The following RB1 variants were observed in gnomAD, a reference collection of about 807,000 sequenced individuals.
RB1 encodes the protein retinoblastoma-associated protein.
RB1 carries 18 observed loss-of-function variants against 135.4 expected under a neutral mutation model. The ratio of observed to expected loss-of-function variants is 0.13; its 90% confidence interval spans 0.09 to 0.20. The LOEUF (loss-of-function observed/expected upper bound fraction) is 0.20. Among genes scored for constraint, RB1 ranks in the 10% least tolerant of loss-of-function variants. RB1 has a pLI of 1.00. For missense variants in RB1, 868 were observed against 1,110.0 expected, an observed-to-expected ratio of 0.78 and a Z score of 3.10; for synonymous variants, 365 against 373.2, an observed-to-expected ratio of 0.98 and a Z score of 0.25.
At chr13:48,399,966 T>C (rs889332849) in intron 17 of RB1, among the ~76,000 whole-genome samples, 1 of 152,058 alleles carries the variant, frequency 6.6e-6, no homozygotes, top group Non-Finnish European at 1.5e-5. Flanking sequence ...ATCCATATTA[T>C]ACACATTACC....
At position 48,418,918 on chromosome 13, in the gene RB1, G is replaced by A. The variant is rs374741034; in HGVS notation, c.1696-34075G>A. ...CCTTGGAGACCTACAAAGAGACTTA[G>A]ACTCCCACACAATAATAGTGGGAGA... On this transcript the variant is annotated intron_variant, in intron 17 of 26. Coordinates refer to ENST00000267163, the MANE Select transcript of RB1 (RefSeq NM_000321.3). Among the ~76,000 whole-genome samples, 3 of 152,246 alleles carry A rather than the reference G, an allele frequency of 2.0e-5. No homozygotes were observed. The East Asian group carries it at 5.8e-4, about 29-fold the overall frequency.
At position 48,356,536 on chromosome 13, in the gene RB1, A is replaced by G. The variant is rs190212197; in HGVS notation, c.608-3481A>G. 9.1e-3 allele frequency among the ~76,000 whole-genome samples: 1,387 copies of G among 152,092 alleles called. 7 individuals are homozygous for G. Among genetic ancestry groups the G allele is most frequent in the Non-Finnish European group, 0.014 (948 of 67,922 alleles). ...GTTTTTATTTAAAGCAATATACTTT[A>G]ATCTGGTTTGAAGAAGGTTACTATC... On this transcript the variant is annotated intron_variant, in intron 6 of 26. Transcript: ENST00000267163.
chr13:48,473,431 T>A (rs757143210), intron 24 of RB1, 41 bp downstream of exon 24: 3 of 1,483,294 alleles, frequency 2.0e-6, no homozygotes. Flanking sequence ...GTATGCATTG[T>A]AAGTATAAAA....
intron 17 of RB1, among the ~76,000 whole-genome samples, chr13:48,452,761 T>C (rs1424623363): frequency 6.6e-6 from 1 of 152,148 alleles, no homozygotes; most frequent in Non-Finnish European, 1.5e-5. Flanking sequence ...TATTTTCTAA[T>C]ATAAGCGTTG....
In RB1 at chr13:48,339,240, C is replaced by T. The variant is rs146038562; in HGVS notation, c.265-3359C>T. ...TTTAAGTCTGCAGAGGTTTCTGCTG[C>T]CTTTTGTTCGGCTATGCCCTGCCCC... On this transcript the variant is annotated intron_variant, in intron 2 of 26. Coordinates refer to ENST00000267163, the MANE Select transcript of RB1 (RefSeq NM_000321.3). Among the ~76,000 whole-genome samples, 1,518 of 152,318 alleles carry T rather than the reference C, an allele frequency of 1.0e-2. 35 individuals are homozygous for T. Among genetic ancestry groups the T allele is most frequent in the African/African-American group, 0.035 (1,440 of 41,578 alleles).
At chr13:48,317,216 C>T in intron 2 of RB1, 1 of 441,826 alleles carries the variant, frequency 2.3e-6, no homozygotes, top group Non-Finnish European at 3.8e-6. Context: ...GGCCTGCCTG[C>T]CCCCCTGGGA....
intron 17 of RB1, among the ~76,000 whole-genome samples, chr13:48,386,281 G>A (rs1360695549): frequency 6.6e-6 from 1 of 152,096 alleles, no homozygotes; most frequent in African/African-American, 2.4e-5. Context: ...CATAGAGTGT[G>A]CTTACACAAA....
chr13:48,411,400 A>G (rs1948797156), intron 17 of RB1: 7 of 1,610,948 alleles, frequency 4.3e-6, no homozygotes, highest in Admixed American at 3.3e-5. Context: ...CAGGCAGCAG[A>G]TTCATTGTCA....
At chr13:48,439,026 C>A (rs1032129109) in intron 17 of RB1, among the ~76,000 whole-genome samples, 2 of 152,018 alleles carry the variant, frequency 1.3e-5, no homozygotes, top group Non-Finnish European at 2.9e-5. Context: ...AAACAGCAAC[C>A]TAGAAACATG....
chr13:48,368,443 A>G, intron 10 of RB1, 84 bp from the exon 11 acceptor site: 1 of 1,556,610 alleles, frequency 6.4e-7, no homozygotes, highest in Non-Finnish European at 8.8e-7. Context: ...ATGAGACAAC[A>G]GAAGCATTAT....
intron 2 of RB1, among the ~76,000 whole-genome samples, chr13:48,326,811 A>AT (rs913504663): frequency 1.1e-4 from 17 of 150,958 alleles, no homozygotes; most frequent in Non-Finnish European, 2.2e-4. Context: ...TTTATACTGT[A>AT]TTTTTTTTTG....
chr13:48,456,134 T>C (rs1949358204), intron 18 of RB1, 70 bp from the exon 19 acceptor site: 6 of 1,600,648 alleles, frequency 3.7e-6, no homozygotes, highest in Non-Finnish European at 8.5e-7. Context: ...GTGTACAACC[T>C]TGAAGTGTAT....
chr13:48,480,231 C>T lies in RB1; in HGVS notation c.*160C>T, dbSNP rs1949530167. 6.2e-6 allele frequency: 4 copies of T among 650,010 alleles called. No individual in the cohort carries two copies. The highest frequency in any genetic ancestry group is 5.3e-5 in the South Asian group (3 of 56,266). 40.3% of individuals were successfully genotyped at this position (650,010 alleles called of 1,614,324 possible). ...TGCAGATGCAATTGTTTGGGTGATT[C>T]CTAAGCCACTTGAAATGTTAGTCAT... On this transcript the variant is annotated 3_prime_UTR_variant, in exon 27 of 27. Coordinates refer to ENST00000267163, the MANE Select transcript of RB1 (RefSeq NM_000321.3).
At chr13:48,365,186 A>C (rs1056818564) in intron 9 of RB1, among the ~76,000 whole-genome samples, 1 of 152,180 alleles carries the variant, frequency 6.6e-6, no homozygotes, top group African/African-American at 2.4e-5. Context: ...TTTGTGATTT[A>C]TACTAGAAAT....
intron 2 of RB1, among the ~76,000 whole-genome samples, chr13:48,340,274 AT>A (rs1165216207): frequency 1.3e-5 from 2 of 152,214 alleles, no homozygotes; most frequent in South Asian, 2.1e-4. Context: ...AAGAAAAAAA[AT>A]GAATAAATTG....
At chr13:48,356,714 G>A (rs1229530653) in intron 6 of RB1, among the ~76,000 whole-genome samples, 1 of 151,852 alleles carries the variant, frequency 6.6e-6, no homozygotes, top group African/African-American at 2.4e-5. Context: ...GGATTCTAAG[G>A]TTATCATAAC....
At chr13:48,357,476 C>T (rs117190363) in intron 6 of RB1, among the ~76,000 whole-genome samples, 3,078 of 151,894 alleles carry the variant, frequency 0.02, 30 homozygotes, top group Middle Eastern at 0.054. Context: ...TTATAATAGA[C>T]GAATTATTCA....
intron 24 of RB1, among the ~76,000 whole-genome samples, chr13:48,474,102 G>A (rs1322493160): frequency 1.3e-5 from 2 of 152,102 alleles, no homozygotes; most frequent in East Asian, 1.9e-4. Context: ...CTGTCCCTGG[G>A]GAGTTGGGGT....
Position 48,376,920 on chromosome 13 carries a change from C to A in RB1, c.1218C>A (p.Asn406Lys). The change falls in exon 13 of 27, where the codon AAC becomes AAA. Residue 406 changes from asparagine to lysine, a missense_variant and splice_region_variant. Physicochemically the swap from Asn to Lys is moderately conservative, Grantham distance 94. Around this residue, in one of 3 missense-constraint regions of RB1, gnomAD observed 641 missense variants for 791.3 expected, o/e 0.81. Coordinates refer to ENST00000267163, the MANE Select transcript of RB1 (RefSeq NM_000321.3). ...PSENLISYFN[N>K]CTVNPKESIL... The stretch of plus-strand genomic sequence containing the variant: ...ATTTCTGTTTTTACCTCCTAAAGAA[C>A]TGCACAGTGAATCCAAAAGAAAGTA... 6.2e-7 allele frequency: 1 copy of A among 1,613,498 alleles called. No homozygotes were observed. The highest frequency in any genetic ancestry group is 1.1e-5 in the South Asian group (1 of 91,074).
Sources: allele counts gnomAD v4.1 joint callset (sites outside exome capture counted in the v4.1 genomes callset), GRCh38; gene constraint gnomAD v4.1.1; regional missense constraint gnomAD v4.1.1; transcripts MANE v1.5; gene names NCBI Gene and HGNC (gene_info 2026-07-23, HGNC 2026-07-21).